The following AMTN variants were observed in gnomAD, a reference collection of about 807,000 sequenced individuals.
The protein encoded by AMTN is amelotin.
AMTN carries 29 observed loss-of-function variants against 27.4 expected under a neutral mutation model. The ratio of observed to expected loss-of-function variants is 1.06; its 90% CI spans 0.79 to 1.44. The LOEUF is 1.44. AMTN is among the 40% of genes most tolerant of loss of function. The pLI is 0.00. For synonymous variants in AMTN, 86 were observed against 95.7 expected (o/e 0.90, Z 0.59); for missense variants, 247 against 248.8 (o/e 0.99, Z 0.05).
At position 70,521,640 on chromosome 4, in the gene AMTN, C is replaced by CTTT. The variant is rs763143860; in HGVS notation, c.55-1081_55-1079dup. 4.3e-4 allele frequency among the ~76,000 whole-genome samples: 33 copies of CTTT among 76,488 alleles called. 5 individuals carry two copies. Among genetic ancestry groups the CTTT allele is most frequent in the African/African-American group, 7.1e-4 (12 of 17,010 alleles). 50.2% of individuals were successfully genotyped at this position (76,488 alleles called of 152,430 possible). ...CCTAGAACAGATAATACCAACCTCT[C>CTTT]TTTTTTTTTTTTTTTTTTTTTTTTT... On this transcript the variant is annotated intron_variant, in intron 2 of 8. Transcript: ENST00000339336.
intron 2 of AMTN, among the ~76,000 whole-genome samples, chr4:70,521,302 C>T (rs527623302): frequency 1.3e-5 from 2 of 149,962 alleles, no homozygotes; most frequent in South Asian, 4.2e-4. Flanking sequence ...ATCATTTGAA[C>T]CTGGGAGGTG....
At position 70,529,227 on chromosome 4, in the gene AMTN, T is replaced by C; in HGVS notation, c.357+17T>C. ...GAGGAATTGGTAAAAAAAATAAAAA[T>C]ACTATTTCAAATTATTTTCACTTCT... On this transcript the variant is annotated intron_variant, in intron 7 of 8. Coordinates refer to ENST00000339336, the MANE Select transcript of AMTN (RefSeq NM_212557.4). 1 of 1,523,880 alleles carries C rather than the reference T, an allele frequency of 6.6e-7. No homozygotes were observed. 94.4% of individuals were successfully genotyped at this position (1,523,880 alleles called of 1,614,324 possible).
chr4:70,530,969 G>A, intron 7 of AMTN, 70 bp from the exon 8 acceptor site: 1 of 1,559,370 alleles, frequency 6.4e-7, no homozygotes, highest in South Asian at 1.2e-5. Flanking sequence ...ACCCAAACTT[G>A]CTCCCCTTAA....
Position 70,530,939 on chromosome 4 carries a change from C to G in AMTN, c.358-100C>G, listed in dbSNP as rs1284138949. 3 of 1,471,258 alleles carry G rather than the reference C, an allele frequency of 2.0e-6. No homozygotes were observed. The East Asian group carries it at 7.3e-5, about 36-fold the overall frequency. The allele number at this position is 1,471,258 out of a possible 1,614,324, so 91.1% of individuals were successfully genotyped here. On this transcript the variant is annotated intron_variant, in intron 7 of 8. Transcript: ENST00000339336. The stretch of plus-strand genomic sequence containing the variant: ...CTTTGCTGTCTTCTCTGACTTTACT[C>G]TCTCCATCTTTCCATTCCTACCCAA...
intron 7 of AMTN, among the ~76,000 whole-genome samples, chr4:70,529,759 A>G (rs978573439): frequency 6.6e-6 from 1 of 152,158 alleles, no homozygotes; most frequent in African/African-American, 2.4e-5. Context: ...AGAGAAAAGG[A>G]CTTGAATTAA....
intron 2 of AMTN, among the ~76,000 whole-genome samples, chr4:70,520,199 A>G (rs1735924992): frequency 6.6e-6 from 1 of 152,234 alleles, no homozygotes; most frequent in African/African-American, 2.4e-5. Flanking sequence ...TGCAGGCCAC[A>G]GCAGATTGCT....
intron 5 of AMTN, among the ~76,000 whole-genome samples, chr4:70,527,847 G>T (rs1490912742): frequency 6.6e-6 from 1 of 152,118 alleles, no homozygotes; most frequent in African/African-American, 2.4e-5. Context: ...ATCTTTTTGT[G>T]AACTAAATTT....
chr4:70,521,640 C>CTTTTTTTTTT lies in AMTN; in HGVS notation c.55-1088_55-1079dup, dbSNP rs763143860. 2.4e-3 allele frequency among the ~76,000 whole-genome samples: 187 copies of CTTTTTTTTTT among 76,482 alleles called. 32 individuals carry two copies. The highest frequency in any genetic ancestry group is 2.7e-3 in the Non-Finnish European group (118 of 43,846). 50.2% of individuals were successfully genotyped at this position (76,482 alleles called of 152,430 possible). A position where few individuals can be genotyped will look rare whatever the true frequency, so the allele number is the denominator to read the frequency against. On this transcript the variant is annotated intron_variant, in intron 2 of 8. Transcript: ENST00000339336. ...CCTAGAACAGATAATACCAACCTCT[C>CTTTTTTTTTT]TTTTTTTTTTTTTTTTTTTTTTTTT...
rs1313396820 is a variant in AMTN, at chr4:70,531,186, G to A, written c.505G>A (p.Ala169Thr). The A allele has an allele frequency of 1.9e-6, 3 of 1,613,972 alleles. No individual in the cohort carries two copies. In the Admixed American group the frequency reaches 5.0e-5, roughly 27 times the overall value. ...AAATCCTGCCACCCAGGGAACCCCA[G>A]CAGGCCGCCTCCCAACTCCCAGTGG... is the stretch of plus-strand genomic sequence containing the variant. ...GVNPATQGTP[A>T]GRLPTPSGTD... is the part of the protein sequence containing the mutation. Residue 169 changes from alanine to threonine, a missense_variant, in exon 8 of 9, where the codon GCA (alanine) becomes ACA (threonine). Physicochemically the swap from Ala to Thr is moderately conservative, Grantham distance 58 (BLOSUM62 0). Coordinates refer to ENST00000339336, the MANE Select transcript of AMTN (RefSeq NM_212557.4).
chr4:70,526,582 A>C (rs535780845), intron 5 of AMTN, among the ~76,000 whole-genome samples: 1 of 152,304 alleles, frequency 6.6e-6, no homozygotes, highest in East Asian at 1.9e-4. Context: ...TAAAAGATTT[A>C]AGATGCAAAT....
At chr4:70,521,787 T>G (rs1423170221) in intron 2 of AMTN, among the ~76,000 whole-genome samples, 1 of 151,386 alleles carries the variant, frequency 6.6e-6, no homozygotes, top group Non-Finnish European at 1.5e-5. Flanking sequence ...GCTCAGCTAA[T>G]TTTTATATTT....
At chr4:70,522,691 T>A in intron 2 of AMTN, 64 bp from the exon 3 acceptor site, 1 of 1,520,580 alleles carries the variant, frequency 6.6e-7, no homozygotes, top group Non-Finnish European at 9.1e-7. Context: ...AACCTGGATA[T>A]AAATGGACAC....
chr4:70,527,116 TG>T (rs1214719601), intron 5 of AMTN, among the ~76,000 whole-genome samples: 3 of 152,246 alleles, frequency 2.0e-5, no homozygotes, highest in Non-Finnish European at 4.4e-5. Context: ...TGGCTCATTT[TG>T]CTCAAAATTT....
chr4:70,522,787 A>G lies in AMTN; in HGVS notation c.87A>G (p.Thr29=), dbSNP rs1327790411. 2 of 1,613,774 alleles carry G rather than the reference A, an allele frequency of 1.2e-6. No homozygotes were observed. The highest frequency in any genetic ancestry group is 1.7e-6 in the Non-Finnish European group (2 of 1,179,798). The change falls in exon 3 of 9, where the codon ACA becomes ACG. Residue 29 remains threonine (T), a synonymous_variant. Coordinates refer to ENST00000339336, the MANE Select transcript of AMTN (RefSeq NM_212557.4). The part of the protein sequence containing the change: ...QLKPALGLPP[T]KLAPDQGTLP... ...AACCTGCTTTGGGACTCCCTCCCAC[A>G]AAACTGGCTCCGGATCAGGGAACAC...
chr4:70,531,130 A>C lies in AMTN; in HGVS notation c.449A>C (p.Asp150Ala). The change falls in exon 8 of 9, where the codon GAT becomes GCT. Residue 150 changes from aspartate to alanine, a missense_variant. By Grantham distance (126) the Asp-to-Ala change is moderately radical. Transcript: ENST00000339336. Reference sequence around the variant, plus strand: ...GCAGGGGCTAATCCAGATGTCCAGGATGGAAGCCTTCCAGCAGGAGGAGCA... The same window carrying C: ...GCAGGGGCTAATCCAGATGTCCAGGCTGGAAGCCTTCCAGCAGGAGGAGCA... ...SQAGANPDVQDGSLPAGGAGV... is the reference protein window; with the variant it reads ...SQAGANPDVQAGSLPAGGAGV... 1 of 1,614,084 alleles carries C rather than the reference A, an allele frequency of 6.2e-7. No homozygotes were observed. The highest frequency in any genetic ancestry group is 8.5e-7 in the Non-Finnish European group (1 of 1,180,004).
intron 5 of AMTN, 122 bp downstream of exon 5, chr4:70,525,083 G>A: frequency 1.3e-6 from 1 of 786,230 alleles, no homozygotes; most frequent in South Asian, 1.7e-5. Context: ...ACTGACGAAT[G>A]TTCTGCTGAA....
At chr4:70,525,469 G>A (rs562657707) in intron 5 of AMTN, among the ~76,000 whole-genome samples, 5 of 152,240 alleles carry the variant, frequency 3.3e-5, no homozygotes, top group African/African-American at 4.8e-5. Flanking sequence ...TCAAAAAAAC[G>A]AAACCTGAAA....
rs1172056684 is a variant in AMTN at position 70,529,169 on chromosome 4, T to C, written c.331-15T>C. The C allele has an allele frequency of 6.5e-7, 1 of 1,549,106 alleles. No individual in the cohort carries two copies. Among genetic ancestry groups the C allele is most frequent in the East Asian group, 2.3e-5 (1 of 42,770 alleles). On this transcript the variant is annotated splice_polypyrimidine_tract_variant and intron_variant, in intron 6 of 8. Transcript: ENST00000339336. ...AAATGTGTCTAACAAATTGTGTTTG[T>C]CATTTTGCTTTTAGGGCACTATCCT... is the stretch of plus-strand genomic sequence containing the variant.
chr4:70,528,738 G>A lies in AMTN; in HGVS notation c.310G>A (p.Val104Ile), dbSNP rs1180882250. 1.9e-6 allele frequency: 3 copies of A among 1,604,990 alleles called. No homozygotes were observed. The highest frequency in any genetic ancestry group is 1.7e-6 in the Non-Finnish European group (2 of 1,177,126). The change falls in exon 6 of 9, where the codon GTC becomes ATC. Residue 104 changes from valine (V) to isoleucine (I), a missense_variant. By Grantham distance (29) the Val-to-Ile change is conservative. Transcript: ENST00000339336. ...QLHPHVLPIF[V>I]TQLGAQGTIL... ...ATTTTTTCAGGTGTTACCAATTTTT[G>A]TCACACAACTTGGAGCCCAGGTAAA...
Sources: gnomAD v4.1 joint callset for allele counts (sites outside exome capture counted in the v4.1 genomes callset) on GRCh38, gnomAD v4.1.1 for gene constraint, MANE v1.5 for transcripts, NCBI Gene and HGNC (gene_info 2026-07-23, HGNC 2026-07-21) for gene names.